HIPK2: variants seen among roughly 807,000 people sequenced by gnomAD.
HIPK2 encodes homeodomain-interacting protein kinase 2.
In HIPK2, 27 loss-of-function variants were observed where a neutral mutation model predicts 113.7. The observed-to-expected ratio is 0.24, with a 90% CI of 0.17 to 0.33. The LOEUF (loss-of-function observed/expected upper bound fraction) is 0.33. Ranked by LOEUF, HIPK2 falls within the 10% of genes least tolerant of loss-of-function variation. The pLI is 1.00. For missense variants in HIPK2, 1,257 were observed against 1,588.0 expected, an observed-to-expected ratio of 0.79 and a Z score of 3.54; for synonymous variants, 631 against 642.2, an observed-to-expected ratio of 0.98 and a Z score of 0.26.
At chr7:139,689,724 C>T (rs1211194585) in intron 2 of HIPK2, among the ~76,000 whole-genome samples, 1 of 152,156 alleles carries the variant, frequency 6.6e-6, no homozygotes, top group Non-Finnish European at 1.5e-5. Flanking sequence ...TACATGTAAT[C>T]GTGTGGCTCA....
At chr7:139,686,769 T>TA (rs1356783635) in intron 2 of HIPK2, among the ~76,000 whole-genome samples, 5 of 152,364 alleles carry the variant, frequency 3.3e-5, no homozygotes, top group African/African-American at 1.2e-4. Flanking sequence ...AACAGACTAA[T>TA]ACAATATTCC....
At chr7:139,688,370 G>T (rs1033646977) in intron 2 of HIPK2, among the ~76,000 whole-genome samples, 6 of 152,190 alleles carry the variant, frequency 3.9e-5, no homozygotes, top group Non-Finnish European at 5.9e-5. Context: ...GGGAGTGATT[G>T]TCAAGTAAAT....
intron 13 of HIPK2, among the ~76,000 whole-genome samples, chr7:139,577,218 G>A (rs1305959104): frequency 7.0e-6 from 1 of 142,428 alleles, no homozygotes; most frequent in Non-Finnish European, 1.5e-5. Flanking sequence ...GTGCGATCTC[G>A]GCTCACTGCA....
intron 1 of HIPK2, among the ~76,000 whole-genome samples, chr7:139,743,772 G>A (rs1007165132): frequency 2.0e-5 from 3 of 152,204 alleles, no homozygotes; most frequent in Non-Finnish European, 4.4e-5. Context: ...TTAAGACTCA[G>A]GATGCTGAGG....
intron 9 of HIPK2, among the ~76,000 whole-genome samples, chr7:139,611,897 A>T (rs979792733): frequency 6.6e-6 from 1 of 152,298 alleles, no homozygotes; most frequent in African/African-American, 2.4e-5. Context: ...AATGACTTAC[A>T]CGTTTAAAGA....
rs145884202 is a variant in HIPK2 at position 139,681,577 on chromosome 7, T to C, written c.1103+34355A>G. Among the ~76,000 whole-genome samples the C allele has an allele frequency of 2.9e-3, 445 of 152,288 alleles. 2 individuals carry two copies. Among genetic ancestry groups the C allele is most frequent in the African/African-American group, 0.01 (427 of 41,562 alleles). On this transcript the variant is annotated intron_variant, in intron 2 of 14. Coordinates refer to ENST00000406875, the MANE Select transcript of HIPK2 (RefSeq NM_022740.5). ...GTCAAGAGGTGACCACAAAAGAGGCTGCTCAACATCACCTGAGAACAAAGC... is the reference window on the plus strand; with the variant it reads ...GTCAAGAGGTGACCACAAAAGAGGCCGCTCAACATCACCTGAGAACAAAGC...
intron 2 of HIPK2, among the ~76,000 whole-genome samples, chr7:139,688,844 G>GC (rs1245687685): frequency 1.3e-5 from 2 of 152,050 alleles, no homozygotes; most frequent in African/African-American, 4.8e-5. Context: ...TGAATTTAAT[G>GC]CCACCAGTAT....
intron 2 of HIPK2, among the ~76,000 whole-genome samples, chr7:139,678,448 C>T (rs189830846): frequency 6.6e-6 from 1 of 152,318 alleles, no homozygotes; most frequent in Non-Finnish European, 1.5e-5. Context: ...TTCCCCACTG[C>T]TAGTTTTTGA....
At chr7:139,760,820 T>C (rs1307062365) in intron 1 of HIPK2, among the ~76,000 whole-genome samples, 1 of 152,148 alleles carries the variant, frequency 6.6e-6, no homozygotes, top group Non-Finnish European at 1.5e-5. Context: ...CCACCCCCAA[T>C]ACCCTGATTG....
intron 2 of HIPK2, among the ~76,000 whole-genome samples, chr7:139,705,568 G>A (rs544149756): frequency 1.3e-5 from 2 of 152,158 alleles, no homozygotes; most frequent in East Asian, 3.9e-4. Flanking sequence ...TAGTAGAGAC[G>A]GTGTTTCACC....
intron 2 of HIPK2, among the ~76,000 whole-genome samples, chr7:139,655,872 C>A (rs1421241424): frequency 2.5e-4 from 38 of 152,140 alleles, no homozygotes; most frequent in Admixed American, 2.5e-3. Context: ...ATTGGATGAT[C>A]ATTTAACCAT....
At chr7:139,704,011 T>TGC (rs1794800698) in intron 2 of HIPK2, among the ~76,000 whole-genome samples, 10 of 61,532 alleles carry the variant, frequency 1.6e-4, no homozygotes, top group Admixed American at 8.6e-4. Context: ...ACCCAACATA[T>TGC]ACCCCCTCCA....
chr7:139,576,315 G>A (rs954105163), intron 13 of HIPK2, among the ~76,000 whole-genome samples: 3 of 152,250 alleles, frequency 2.0e-5, no homozygotes, highest in African/African-American at 4.8e-5. Flanking sequence ...GTCAGCAGGT[G>A]GCTCCATCAA....
intron 2 of HIPK2, among the ~76,000 whole-genome samples, chr7:139,666,357 G>A (rs117640803): frequency 6.6e-6 from 1 of 152,314 alleles, no homozygotes; most frequent in Non-Finnish European, 1.5e-5. Context: ...TCTGAAAGAG[G>A]CCTTCGCCAC....
chr7:139,749,802 C>T (rs1054226380), intron 1 of HIPK2, among the ~76,000 whole-genome samples: 5 of 152,210 alleles, frequency 3.3e-5, no homozygotes, highest in East Asian at 1.9e-4. Context: ...GTATCCGCCA[C>T]GCCGCACAAC....
intron 2 of HIPK2, among the ~76,000 whole-genome samples, chr7:139,689,699 G>A (rs549754134): frequency 1.3e-5 from 2 of 152,128 alleles, no homozygotes; most frequent in African/African-American, 2.4e-5. Flanking sequence ...TTGGTCCAAG[G>A]GTCATATCTG....
intron 12 of HIPK2, among the ~76,000 whole-genome samples, chr7:139,590,805 A>G (rs1798993094): frequency 6.6e-6 from 1 of 152,176 alleles, no homozygotes; most frequent in Non-Finnish European, 1.5e-5. Context: ...AGAGAAAAAA[A>G]AAATCTTCAT....
intron 5 of HIPK2, among the ~76,000 whole-genome samples, chr7:139,627,298 CTATGTATG>C (rs34240424): frequency 1.5e-3 from 226 of 148,560 alleles, no homozygotes; most frequent in Admixed American, 2.5e-3. Flanking sequence ...ACAAAAAAGT[CTATGTATG>C]TATGTATGTA....
chr7:139,774,177 T>C (rs1464917229), intron 1 of HIPK2, among the ~76,000 whole-genome samples: 1 of 152,226 alleles, frequency 6.6e-6, no homozygotes, highest in Non-Finnish European at 1.5e-5. Flanking sequence ...TTGTGGGTTA[T>C]TCTTTCCCTG....
Sources: gnomAD v4.1 joint callset for allele counts (sites outside exome capture counted in the v4.1 genomes callset) on GRCh38, gnomAD v4.1.1 for gene constraint, MANE v1.5 for transcripts, NCBI Gene and HGNC (gene_info 2026-07-23, HGNC 2026-07-21) for gene names.